The following WDSUB1 variants were observed in gnomAD, a reference collection of about 807,000 sequenced individuals.
WDSUB1 encodes the protein WD repeat, sterile alpha motif and U-box domain containing 1.
In WDSUB1, 49 loss-of-function variants were observed where a neutral mutation model predicts 53.9. The ratio of observed to expected loss-of-function variants is 0.91; its 90% CI spans 0.72 to 1.15. WDSUB1 has a LOEUF of 1.15. Among genes scored for constraint, WDSUB1 ranks in the 50% most tolerant of loss-of-function variants. WDSUB1 has a pLI of 0.00. For synonymous variants in WDSUB1, 194 were observed against 200.6 expected, an observed-to-expected ratio of 0.97 and a Z score of 0.28; for missense variants, 514 against 562.0, an observed-to-expected ratio of 0.91 and a Z score of 0.86.
chr2:159,240,665 T>C (rs968125133), intron 10 of WDSUB1, among the ~76,000 whole-genome samples: 2 of 152,312 alleles, frequency 1.3e-5, no homozygotes, highest in Admixed American at 1.3e-4. Context: ...ATGTAAGATA[T>C]TGTTAGCATT....
intron 9 of WDSUB1, among the ~76,000 whole-genome samples, chr2:159,251,227 C>A (rs1369979259): frequency 6.6e-6 from 1 of 151,556 alleles, no homozygotes; most frequent in Non-Finnish European, 1.5e-5. Flanking sequence ...GTTCATGCCA[C>A]TGCACTCCAG....
At chr2:159,262,796 A>G in intron 5 of WDSUB1, among the ~76,000 whole-genome samples, 1 of 152,204 alleles carries the variant, frequency 6.6e-6, no homozygotes, top group East Asian at 1.9e-4. Context: ...TACTGAAGCA[A>G]TAAAAACCCT....
intron 1 of WDSUB1, among the ~76,000 whole-genome samples, chr2:159,285,135 GTA>G (rs2061759922): frequency 6.6e-6 from 1 of 152,152 alleles, no homozygotes; most frequent in Non-Finnish European, 1.5e-5. Context: ...TCCACACCAT[GTA>G]AAACTGTCAG....
At chr2:159,283,309 A>C (rs1437132993) in intron 1 of WDSUB1, among the ~76,000 whole-genome samples, 1 of 152,144 alleles carries the variant, frequency 6.6e-6, no homozygotes, top group African/African-American at 2.4e-5. Flanking sequence ...TTCAGGATGA[A>C]ACAGTTCCAC....
At chr2:159,282,648 C>G (rs2061690569) in intron 2 of WDSUB1, 24 bp downstream of exon 2, 1 of 1,586,670 alleles carries the variant, frequency 6.3e-7, no homozygotes, top group African/African-American at 1.3e-5. Flanking sequence ...AGGATTAAAA[C>G]AGGAAGGATT....
chr2:159,237,520 CAA>C (rs879593540), intron 10 of WDSUB1, among the ~76,000 whole-genome samples: 1 of 138,672 alleles, frequency 7.2e-6, no homozygotes, highest in Non-Finnish European at 1.6e-5. Context: ...GACTCCATCT[CAA>C]AAAAAAAAAA....
chr2:159,264,939 C>T (rs2061305930), intron 5 of WDSUB1, among the ~76,000 whole-genome samples: 1 of 151,930 alleles, frequency 6.6e-6, no homozygotes, highest in Non-Finnish European at 1.5e-5. Context: ...CAAAAATTAG[C>T]CAGGCATGGT....
chr2:159,250,343 A>G (rs769185914), intron 9 of WDSUB1, among the ~76,000 whole-genome samples: 2 of 152,240 alleles, frequency 1.3e-5, no homozygotes, highest in Non-Finnish European at 2.9e-5. Flanking sequence ...AAACAAATCA[A>G]TGATTTCTTT....
intron 2 of WDSUB1, 86 bp from the exon 3 acceptor site, chr2:159,280,031 A>T: frequency 8.0e-7 from 1 of 1,243,132 alleles, no homozygotes; most frequent in East Asian, 2.5e-5. Context: ...GATACAGTGA[A>T]AAGAGAATAA....
intron 5 of WDSUB1, among the ~76,000 whole-genome samples, chr2:159,270,215 A>G (rs1208653286): frequency 2.6e-5 from 4 of 152,234 alleles, no homozygotes; most frequent in African/African-American, 4.8e-5. Flanking sequence ...GAACTTCTAC[A>G]CAGAAGACAA....
At chr2:159,268,759 A>G (rs7590619) in intron 5 of WDSUB1, among the ~76,000 whole-genome samples, 4,328 of 152,304 alleles carry the variant, frequency 0.028, 195 homozygotes, top group African/African-American at 0.094. Context: ...GTTCCAGCCC[A>G]TTGCCTAACA....
At chr2:159,250,088 C>CAAAAAAAAAAAAAAAAAAAAAA (rs374038625) in intron 9 of WDSUB1, among the ~76,000 whole-genome samples, 8 of 83,540 alleles carry the variant, frequency 9.6e-5, no homozygotes, top group African/African-American at 2.8e-4. Context: ...GACTCTGCCT[C>CAAAAAAAAAAAAAAAAAAAAAA]AAAAAAAAAA....
intron 3 of WDSUB1, among the ~76,000 whole-genome samples, chr2:159,278,700 G>A (rs999813411): frequency 1.3e-5 from 2 of 152,322 alleles, no homozygotes; most frequent in Admixed American, 6.5e-5. Flanking sequence ...TTCCAGGAAT[G>A]AAAGAAAGTC....
chr2:159,273,061 T>G (rs2061473975), intron 4 of WDSUB1, among the ~76,000 whole-genome samples: 1 of 152,144 alleles, frequency 6.6e-6, no homozygotes, highest in Admixed American at 6.6e-5. Context: ...ATAACAAGCA[T>G]TTAACTAAAG....
intron 7 of WDSUB1, 22 bp from the exon 8 acceptor site, chr2:159,257,886 T>G: frequency 6.2e-7 from 1 of 1,611,964 alleles, no homozygotes; most frequent in East Asian, 2.2e-5. Flanking sequence ...AAACAACTAT[T>G]ATGTATCTTC....
rs1382442361 is a variant in WDSUB1 at position 159,238,279 on chromosome 2, G to T, written c.1274-2089C>A. 1.3e-4 allele frequency among the ~76,000 whole-genome samples: 5 copies of T among 38,758 alleles called. 1 individual carries two copies. In the Middle Eastern group the frequency reaches 0.042, roughly 323 times the overall value. The allele number at this position is 38,758 out of a possible 152,430, so 25.4% of individuals were successfully genotyped here. On this transcript the variant is annotated intron_variant, in intron 10 of 10. Transcript: ENST00000359774. Reference sequence around the variant, plus strand: ...AGCGAAGTTTTCCCAATTCTATCAAGGAATTTACTTACAAATTCTATCAAG... The same window carrying T: ...AGCGAAGTTTTCCCAATTCTATCAATGAATTTACTTACAAATTCTATCAAG...
At chr2:159,247,533 A>G (rs1248372403) in intron 10 of WDSUB1, among the ~76,000 whole-genome samples, 1 of 152,058 alleles carries the variant, frequency 6.6e-6, no homozygotes, top group African/African-American at 2.4e-5. Flanking sequence ...TACTGGCAGC[A>G]CTCTAAACTG....
chr2:159,271,244 T>TA (rs2061438963), intron 5 of WDSUB1, among the ~76,000 whole-genome samples: 1 of 152,192 alleles, frequency 6.6e-6, no homozygotes, highest in Admixed American at 6.5e-5. Context: ...CACCAGGACA[T>TA]ACAATATATT....
intron 10 of WDSUB1, among the ~76,000 whole-genome samples, chr2:159,238,204 A>G (rs1404528407): frequency 6.6e-6 from 1 of 151,984 alleles, no homozygotes; most frequent in Non-Finnish European, 1.5e-5. Context: ...TTAAGATTTC[A>G]TATATATGGA....
Sources: gnomAD v4.1 joint callset for allele counts (sites outside exome capture counted in the v4.1 genomes callset) on GRCh38, gnomAD v4.1.1 for gene constraint, MANE v1.5 for transcripts, NCBI Gene and HGNC (gene_info 2026-07-23, HGNC 2026-07-21) for gene names.